Variants in WTAP observed in about 807,000 individuals in gnomAD.
WTAP encodes the protein WT1 associated protein, also known as pre-mRNA-splicing regulator WTAP.
In WTAP, 8 loss-of-function variants were observed where a neutral mutation model predicts 50.0. That is an observed-to-expected ratio of 0.16 (90% CI 0.09 to 0.29). WTAP has a LOEUF of 0.29. WTAP is among the 10% of genes least tolerant of loss of function. WTAP has a pLI of 1.00. For synonymous variants in WTAP, 194 were observed against 169.0 expected, an observed-to-expected ratio of 1.15 and a Z score of -1.15; for missense variants, 295 against 470.7, an observed-to-expected ratio of 0.63 and a Z score of 3.45.
chr6:159,737,519 A>T (rs1471186431), intron 2 of WTAP, among the ~76,000 whole-genome samples: 2 of 151,744 alleles, frequency 1.3e-5, no homozygotes, highest in Admixed American at 6.6e-5. Flanking sequence ...TCTGAGACAG[A>T]GTCTCACTCT....
Position 159,748,939 on chromosome 6 carries a change from A to G in WTAP, c.452+570A>G. 8.9e-7 allele frequency: 1 copy of G among 1,125,930 alleles called. No homozygotes were observed. Among genetic ancestry groups the G allele is most frequent in the Non-Finnish European group, 1.1e-6 (1 of 921,186 alleles). 69.7% of individuals were successfully genotyped at this position (1,125,930 alleles called of 1,614,324 possible). A position where few individuals can be genotyped will look rare whatever the true frequency, so the allele number is the denominator to read the frequency against. Reference sequence around the variant, plus strand: ...CTGGGTCAAAACTCAAATGAGGTGAATTTTGCCTTTAAAGGGTTTATTTGC... The same window carrying G: ...CTGGGTCAAAACTCAAATGAGGTGAGTTTTGCCTTTAAAGGGTTTATTTGC... On this transcript the variant is annotated intron_variant, in intron 6 of 7. Transcript: ENST00000621533. This position sits in a 1 kb window ranked among gnomAD's most constrained non-coding sequence, Gnocchi z 5.6.
intron 1 of WTAP, among the ~76,000 whole-genome samples, chr6:159,732,804 A>G (rs1361030430): frequency 1.3e-5 from 2 of 151,812 alleles, no homozygotes; most frequent in Non-Finnish European, 1.5e-5. Flanking sequence ...AGCCTGGGCA[A>G]CAGAGACCGG....
At chr6:159,729,476 ATTTTCTGCCT>A (rs1301824080) in intron 1 of WTAP, among the ~76,000 whole-genome samples, 1 of 152,214 alleles carries the variant, frequency 6.6e-6, no homozygotes, top group African/African-American at 2.4e-5. Context: ...TGCTGTAAAT[ATTTTCTGCCT>A]TTGAAGATGT....
At chr6:159,742,657 G>C (rs905901263) in intron 4 of WTAP, among the ~76,000 whole-genome samples, 8 of 152,018 alleles carry the variant, frequency 5.3e-5, no homozygotes, top group Non-Finnish European at 8.8e-5. Context: ...CATACTATTT[G>C]TTGAGTATAA....
intron 2 of WTAP, among the ~76,000 whole-genome samples, chr6:159,738,095 C>A (rs556605389): frequency 6.6e-6 from 1 of 152,220 alleles, no homozygotes; most frequent in Non-Finnish European, 1.5e-5. Context: ...TCACGTTATA[C>A]TAGCACTGTT....
chr6:159,750,899 C>T (rs1383088886), intron 6 of WTAP, among the ~76,000 whole-genome samples: 2 of 152,184 alleles, frequency 1.3e-5, no homozygotes, highest in Non-Finnish European at 2.9e-5. Flanking sequence ...TGCGTGCACG[C>T]GCACGCACGT....
At chr6:159,750,230 G>A (rs978020280) in intron 6 of WTAP, among the ~76,000 whole-genome samples, 3 of 152,150 alleles carry the variant, frequency 2.0e-5, no homozygotes, top group African/African-American at 7.2e-5. Context: ...AGTAGAAATG[G>A]CCTAAGTATC....
chr6:159,753,211 A>T (rs1194233544), intron 6 of WTAP, among the ~76,000 whole-genome samples: 1 of 152,230 alleles, frequency 6.6e-6, no homozygotes, highest in Non-Finnish European at 1.5e-5. Context: ...AGAATTGATT[A>T]TTGATGTAAT....
chr6:159,745,049 T>TA (rs1779492879), intron 5 of WTAP: 2 of 152,364 alleles, frequency 1.3e-5, no homozygotes, highest in African/African-American at 4.8e-5. Context: ...TTGTAATTCT[T>TA]ACCACCACTG....
Position 159,748,134 on chromosome 6 carries a change from C to A in WTAP, c.274-57C>A. On this transcript the variant is annotated intron_variant, in intron 5 of 7. Coordinates refer to ENST00000621533, the MANE Select transcript of WTAP (RefSeq NM_001270531.2). This position sits in a 1 kb window ranked among gnomAD's most constrained non-coding sequence, Gnocchi z 5.6. ...AAGTGAATGGAGGGAGTTTTCCCCA[C>A]CTTCTTATGTATGTTTCCTTTGATT... 1 of 1,536,494 alleles carries A rather than the reference C, an allele frequency of 6.5e-7. No individual in the cohort carries two copies. The highest frequency in any genetic ancestry group is 8.8e-7 in the Non-Finnish European group (1 of 1,133,380).
chr6:159,735,342 T>C (rs1778842244), intron 1 of WTAP, among the ~76,000 whole-genome samples: 2 of 152,332 alleles, frequency 1.3e-5, no homozygotes, highest in African/African-American at 4.8e-5. Flanking sequence ...AGTTTCACCA[T>C]GTTGGCCAGA....
chr6:159,731,251 A>C (rs547758785), intron 1 of WTAP, among the ~76,000 whole-genome samples: 2 of 152,010 alleles, frequency 1.3e-5, no homozygotes, highest in Non-Finnish European at 2.9e-5. Flanking sequence ...TCCTGAGCCC[A>C]GGAGTTCAAG....
At chr6:159,744,809 G>A (rs779493376) in intron 5 of WTAP, among the ~76,000 whole-genome samples, 7 of 152,030 alleles carry the variant, frequency 4.6e-5, no homozygotes, top group Non-Finnish European at 8.8e-5. Flanking sequence ...AGCTTCCCGA[G>A]TAACTGATTT....
intron 5 of WTAP, among the ~76,000 whole-genome samples, chr6:159,746,302 G>A (rs745849505): frequency 2.6e-5 from 4 of 152,146 alleles, no homozygotes; most frequent in Admixed American, 1.3e-4. Context: ...TAGGTTAAGC[G>A]AATGGTTGAA....
In WTAP at chr6:159,755,739, TTTTTTCTTTG is replaced by T; in HGVS notation, c.*134_*143del. The T allele has an allele frequency of 8.2e-7, 1 of 1,222,780 alleles. No homozygotes were observed. Among genetic ancestry groups the T allele is most frequent in the Non-Finnish European group, 1.0e-6 (1 of 972,086 alleles). The allele number at this position is 1,222,780 out of a possible 1,614,324, so 75.7% of individuals were successfully genotyped here. A position where few individuals can be genotyped will look rare whatever the true frequency, so the allele number is the denominator to read the frequency against. ...TACGTTTTGGTTTTTTTTTGTTGTTTTTTTTCTTTGTTTTTTTTTTCTTTTCTTTTTTTTT... is the reference window on the plus strand; with the variant it reads ...TACGTTTTGGTTTTTTTTTGTTGTTTTTTTTTTTTTCTTTTCTTTTTTTTT... On this transcript the variant is annotated 3_prime_UTR_variant, in exon 8 of 8. Transcript: ENST00000621533.
chr6:159,755,771 T>G lies in WTAP; in HGVS notation c.*160T>G. 3.2e-6 allele frequency: 3 copies of G among 948,390 alleles called. No homozygotes were observed. Among genetic ancestry groups the G allele is most frequent in the African/African-American group, 1.9e-5 (1 of 51,304 alleles). The allele number at this position is 948,390 out of a possible 1,614,324, so 58.7% of individuals were successfully genotyped here. A position where few individuals can be genotyped will look rare whatever the true frequency, so the allele number is the denominator to read the frequency against. ...TTTGTTTTTTTTTTCTTTTCTTTTT[T>G]TTTTTTTTTTTTTTTTTTTGCTTCA... On this transcript the variant is annotated 3_prime_UTR_variant, in exon 8 of 8. Transcript: ENST00000621533.
At chr6:159,738,669 T>C (rs1407267496) in intron 2 of WTAP, among the ~76,000 whole-genome samples, 1 of 152,200 alleles carries the variant, frequency 6.6e-6, no homozygotes, top group African/African-American at 2.4e-5. Flanking sequence ...TATTCTCACC[T>C]GCAGTGTAGG....
rs751801387 is a variant in WTAP at position 159,753,626 on chromosome 6, G to A, written c.607+12G>A. ...AAGCAGTCAGGATGGTAAGGGGTTT[G>A]TTTCTTTTTGGAACGTTGTCTCAAC... On this transcript the variant is annotated intron_variant, in intron 7 of 7. Transcript: ENST00000621533. The A allele has an allele frequency of 4.4e-6, 7 of 1,590,056 alleles. No homozygotes were observed. In the East Asian group the frequency reaches 1.3e-4, roughly 31 times the overall value.
chr6:159,755,434 T>C lies in WTAP; in HGVS notation c.1014T>C (p.Ser338=). The C allele has an allele frequency of 5.0e-6, 8 of 1,614,046 alleles. No homozygotes were observed. The Admixed American group carries it at 6.7e-5, about 13-fold the overall frequency. ...ATCAACTCAGTGCGGGGTATGAAAG[T>C]GTAGACTCTCCCACGGGCAGTGAAA... ...YVNQLSAGYE[S]VDSPTGSENS... The change falls in exon 8 of 8, where the codon AGT becomes AGC. Residue 338 remains serine (S), a synonymous_variant. Coordinates refer to ENST00000621533, the MANE Select transcript of WTAP (RefSeq NM_001270531.2).
Sources: gnomAD v4.1 joint callset for allele counts (sites outside exome capture counted in the v4.1 genomes callset) on GRCh38, gnomAD v4.1.1 for gene constraint, Gnocchi (gnomAD v3.1) non-coding constraint, MANE v1.5 for transcripts, NCBI Gene and HGNC (gene_info 2026-07-23, HGNC 2026-07-21) for gene names.